WWOX: variants seen among roughly 807,000 people sequenced by gnomAD.
The protein encoded by WWOX is WW domain-containing oxidoreductase.
WWOX carries 69 observed loss-of-function variants against 46.2 expected under a neutral mutation model. The observed-to-expected ratio is 1.49, with a 90% confidence interval of 1.23 to 1.82. WWOX has a LOEUF of 1.82. Ranked by LOEUF, WWOX falls within the 40% of genes most tolerant of loss-of-function variation. The pLI, the probability that WWOX is intolerant of heterozygous loss-of-function variation, is 0.00. For missense variants in WWOX, 919 were observed against 542.6 expected (o/e 1.69, Z -6.89); for synonymous variants, 359 against 202.6 (o/e 1.77, Z -6.56).
chr16:78,199,671 G>A (rs368699817), intron 5 of WWOX, among the ~76,000 whole-genome samples: 17 of 152,132 alleles, frequency 1.1e-4, no homozygotes, highest in Non-Finnish European at 2.4e-4. Flanking sequence ...CTGAGCCTGC[G>A]TAGATGATCT....
intron 8 of WWOX, among the ~76,000 whole-genome samples, chr16:78,826,862 C>G (rs1401778534): frequency 6.6e-6 from 1 of 152,200 alleles, no homozygotes; most frequent in African/African-American, 2.4e-5. Context: ...CTTAGCTGTC[C>G]TCTGCCTCCA....
chr16:78,841,509 A>G (rs1039225577), intron 8 of WWOX, among the ~76,000 whole-genome samples: 121 of 152,180 alleles, frequency 8.0e-4, no homozygotes, highest in Non-Finnish European at 4.4e-5. Flanking sequence ...AATAAGGATG[A>G]TTGTTTTAGT....
chr16:79,059,005 T>A lies in WWOX; in HGVS notation c.1057-152603T>A, dbSNP rs575363057. On this transcript the variant is annotated intron_variant, in intron 8 of 8. Coordinates refer to ENST00000566780, the MANE Select transcript of WWOX (RefSeq NM_016373.4). ...GGAAAACAATGACTATTATACAGAT[T>A]TATGGCTTCTTGTCAATAATACTCT... is the stretch of plus-strand genomic sequence containing the variant. 5.3e-5 allele frequency among the ~76,000 whole-genome samples: 8 copies of A among 152,340 alleles called. No homozygotes were observed. In the South Asian group the frequency reaches 1.7e-3, roughly 32 times the overall value.
intron 8 of WWOX, among the ~76,000 whole-genome samples, chr16:78,776,193 G>A (rs889300528): frequency 9.9e-5 from 15 of 152,142 alleles, no homozygotes; most frequent in African/African-American, 3.1e-4. Context: ...ATGTTTTCCA[G>A]TCTTTCTCTA....
At chr16:78,482,320 C>A (rs2084514862) in intron 8 of WWOX, among the ~76,000 whole-genome samples, 2 of 152,168 alleles carry the variant, frequency 1.3e-5, no homozygotes, top group African/African-American at 4.8e-5. Flanking sequence ...ACTGCAACCT[C>A]TGTCGATTCT....
At chr16:78,596,802 G>T (rs770648414) in intron 8 of WWOX, among the ~76,000 whole-genome samples, 1 of 85,076 alleles carries the variant, frequency 1.2e-5, no homozygotes, top group Non-Finnish European at 2.8e-5. Context: ...AAATCAGCAC[G>T]GTTTCAGCTG....
intron 5 of WWOX, among the ~76,000 whole-genome samples, chr16:78,363,993 C>G (rs1306215462): frequency 6.6e-6 from 1 of 152,210 alleles, no homozygotes; most frequent in African/African-American, 2.4e-5. Context: ...AAGAGGAATT[C>G]TTCAAAACAA....
intron 8 of WWOX, chr16:78,526,337 G>A (rs902299399): frequency 1.3e-5 from 2 of 152,290 alleles, no homozygotes; most frequent in Non-Finnish European, 2.9e-5. Flanking sequence ...AAGAGGAAAT[G>A]TGGTGCTGAG....
At chr16:79,141,740 G>C (rs903184782) in intron 8 of WWOX, among the ~76,000 whole-genome samples, 1 of 151,968 alleles carries the variant, frequency 6.6e-6, no homozygotes, top group Non-Finnish European at 1.5e-5. Flanking sequence ...AGCACGGAGG[G>C]CCAGAAGGAA....
intron 5 of WWOX, among the ~76,000 whole-genome samples, chr16:78,375,937 G>T (rs757331055): frequency 4.0e-5 from 6 of 149,110 alleles, no homozygotes; most frequent in African/African-American, 1.5e-4. Flanking sequence ...CTGCAACTCC[G>T]CATCCTGGTT....
intron 8 of WWOX, among the ~76,000 whole-genome samples, chr16:78,511,313 C>T (rs573428909): frequency 6.6e-6 from 1 of 152,300 alleles, no homozygotes; most frequent in South Asian, 2.1e-4. Flanking sequence ...ACAGGGATGC[C>T]TTCGGTCCAG....
chr16:79,162,617 T>C (rs2050508736), intron 8 of WWOX, among the ~76,000 whole-genome samples: 1 of 152,172 alleles, frequency 6.6e-6, no homozygotes, highest in Non-Finnish European at 1.5e-5. Flanking sequence ...CCTTGGGAGA[T>C]GCAAACAGTT....
intron 5 of WWOX, among the ~76,000 whole-genome samples, chr16:78,221,033 A>G (rs543112189): frequency 1.3e-5 from 2 of 152,342 alleles, no homozygotes; most frequent in African/African-American, 4.8e-5. Flanking sequence ...TGTATCATAT[A>G]TCTTTAAGTA....
At chr16:78,776,127 G>A (rs1879628215) in intron 8 of WWOX, among the ~76,000 whole-genome samples, 1 of 152,236 alleles carries the variant, frequency 6.6e-6, no homozygotes, top group Admixed American at 6.5e-5. Flanking sequence ...GTAAAAGGGA[G>A]AGAAGGGAAT....
intron 6 of WWOX, among the ~76,000 whole-genome samples, chr16:78,418,782 G>T (rs1056435715): frequency 6.6e-6 from 1 of 152,086 alleles, no homozygotes; most frequent in Non-Finnish European, 1.5e-5. Flanking sequence ...TTGGAACAAA[G>T]TGGCATTTTC....
At chr16:78,407,502 A>C (rs1471382857) in intron 6 of WWOX, among the ~76,000 whole-genome samples, 1 of 152,136 alleles carries the variant, frequency 6.6e-6, no homozygotes, top group Admixed American at 6.5e-5. Context: ...CATGTTAACA[A>C]TTTCACTTAC....
intron 8 of WWOX, among the ~76,000 whole-genome samples, chr16:78,845,031 G>C (rs551424892): frequency 7.0e-4 from 106 of 152,256 alleles, no homozygotes; most frequent in Middle Eastern, 3.4e-3. Context: ...GCAGTGAAGC[G>C]GTTGGAAAAG....
At chr16:78,531,780 C>T (rs1198141922) in intron 8 of WWOX, among the ~76,000 whole-genome samples, 2 of 152,268 alleles carry the variant, frequency 1.3e-5, no homozygotes, top group East Asian at 3.9e-4. Context: ...ATCACTTGAA[C>T]TCCAGAGGCA....
chr16:79,102,767 T>C (rs2049227527), intron 8 of WWOX, among the ~76,000 whole-genome samples: 2 of 152,210 alleles, frequency 1.3e-5, no homozygotes, highest in Admixed American at 1.3e-4. Context: ...TTTATTTGTT[T>C]CATTAAACAC....
Sources: allele counts gnomAD v4.1 joint callset (sites outside exome capture counted in the v4.1 genomes callset), GRCh38; gene constraint gnomAD v4.1.1; transcripts MANE v1.5; gene names NCBI Gene and HGNC (gene_info 2026-07-23, HGNC 2026-07-21).